RFWD3: variants seen among roughly 807,000 people sequenced by gnomAD.
The protein encoded by RFWD3 is E3 ubiquitin-protein ligase RFWD3.
A neutral mutation model predicts 87.7 loss-of-function variants in RFWD3; 65 were observed. That is an observed-to-expected ratio of 0.74 (90% confidence interval 0.61 to 0.91). The LOEUF is 0.91. Ranked by LOEUF, RFWD3 falls within the 40% of genes least tolerant of loss-of-function variation. RFWD3 has a pLI of 0.00. For missense variants in RFWD3, 1,078 were observed against 938.5 expected, an observed-to-expected ratio of 1.15 and a Z score of -1.94; for synonymous variants, 433 against 352.8, an observed-to-expected ratio of 1.23 and a Z score of -2.55.
chr16:74,661,278 C>G lies in RFWD3; in HGVS notation c.172G>C (p.Ala58Pro). 1 of 1,614,166 alleles carries G rather than the reference C, an allele frequency of 6.2e-7. No homozygotes were observed. ...GVPSILQPAP[A>P]EVISSQATPP... ...GTCGCTTGGCTGCTGATCACCTCAG[C>G]AGGAGCTGGCTGGAGGATGGATGGT... The change falls in exon 2 of 13, where the codon GCT becomes CCT. Residue 58 changes from alanine to proline, a missense_variant. Coordinates refer to ENST00000361070, the MANE Select transcript of RFWD3 (RefSeq NM_018124.4).
chr16:74,622,597 C>G lies in RFWD3; in HGVS notation c.*1331G>C, dbSNP rs1958801805. On this transcript the variant is annotated 3_prime_UTR_variant, in exon 13 of 13. Coordinates refer to ENST00000361070, the MANE Select transcript of RFWD3 (RefSeq NM_018124.4). ...GGAGAGAAAGATCCTAGAAACAGCT[C>G]TTGAATTGACAGGTCAGAAGTGTTT... 1 of 152,216 alleles carries G rather than the reference C, an allele frequency of 6.6e-6. No individual in the cohort carries two copies. The highest frequency in any genetic ancestry group is 1.5e-5 in the Non-Finnish European group (1 of 68,044). The allele number at this position is 152,216 out of a possible 1,614,324, so 9.4% of individuals were successfully genotyped here.
chr16:74,653,879 C>T (rs370931038), intron 2 of RFWD3, among the ~76,000 whole-genome samples: 7 of 152,280 alleles, frequency 4.6e-5, no homozygotes, highest in African/African-American at 1.7e-4. Flanking sequence ...CAGTGTCCAA[C>T]TCAATAGACA....
intron 11 of RFWD3, among the ~76,000 whole-genome samples, chr16:74,627,021 CA>C (rs1269564134): frequency 6.6e-6 from 1 of 152,136 alleles, no homozygotes; most frequent in Non-Finnish European, 1.5e-5. Context: ...GGGAGGCAAA[CA>C]AAAGCAAGAT....
chr16:74,633,252 G>A (rs1260986542), intron 8 of RFWD3, among the ~76,000 whole-genome samples: 14 of 148,298 alleles, frequency 9.4e-5, no homozygotes, highest in African/African-American at 3.3e-4. Context: ...ACTCCAGCGT[G>A]GGCAACCAGA....
intron 8 of RFWD3, 154 bp from the exon 9 acceptor site, chr16:74,632,827 ATTCAT>A (rs1959142470): frequency 1.5e-6 from 1 of 651,120 alleles, no homozygotes; most frequent in Non-Finnish European, 2.6e-6. Flanking sequence ...GTTACAATTT[ATTCAT>A]TTATTTTTGA....
At chr16:74,643,358 T>C (rs1188829485) in intron 6 of RFWD3, among the ~76,000 whole-genome samples, 2 of 152,208 alleles carry the variant, frequency 1.3e-5, no homozygotes, top group African/African-American at 4.8e-5. Flanking sequence ...CATTTCAACA[T>C]TGTATTCTGT....
intron 6 of RFWD3, among the ~76,000 whole-genome samples, chr16:74,639,400 T>C (rs950261551): frequency 1.3e-5 from 2 of 152,172 alleles, no homozygotes; most frequent in Admixed American, 6.5e-5. Context: ...TCCATTATAA[T>C]CTTATGGGGC....
chr16:74,625,544 A>G (rs1958908569), intron 12 of RFWD3, among the ~76,000 whole-genome samples: 1 of 151,820 alleles, frequency 6.6e-6, no homozygotes, highest in Admixed American at 6.6e-5. Context: ...ACCAGGCGCA[A>G]TGGCTCACGC....
intron 6 of RFWD3, among the ~76,000 whole-genome samples, chr16:74,643,584 A>G (rs1364075463): frequency 6.6e-6 from 1 of 151,616 alleles, no homozygotes; most frequent in Admixed American, 6.6e-5. Flanking sequence ...TAAAGTGTGA[A>G]CCCATGTCAC....
In RFWD3 at chr16:74,661,102, C is replaced by T. The variant is rs753405875; in HGVS notation, c.348G>A (p.Ser116=). The T allele has an allele frequency of 6.8e-6, 11 of 1,614,072 alleles. No homozygotes were observed. Among genetic ancestry groups the T allele is most frequent in the Admixed American group, 1.7e-5 (1 of 60,000 alleles). Residue 116 remains serine, a synonymous_variant, in exon 2 of 13, where the codon TCG becomes TCA. Transcript: ENST00000361070. ...TGATGAAGTTGGTCATTGAATGCAA[C>T]GAAGATGCTGGGATGGTGTGATTAC... ...SDGNHTIPAS[S]LHSMTNFISG...
At chr16:74,657,479 T>TTTC (rs71376297) in intron 2 of RFWD3, among the ~76,000 whole-genome samples, 1 of 14,054 alleles carries the variant, frequency 7.1e-5, no homozygotes, top group Non-Finnish European at 1.2e-4. Flanking sequence ...TTTCTTTTTC[T>TTTC]TTTTTTTTTT....
At chr16:74,631,388 C>T (rs1240404117) in intron 9 of RFWD3, among the ~76,000 whole-genome samples, 1 of 152,054 alleles carries the variant, frequency 6.6e-6, no homozygotes, top group African/African-American at 2.4e-5. Context: ...AGGAGAATCA[C>T]TTGAACCCTG....
In RFWD3 at chr16:74,636,707, C is replaced by T. The variant is rs532601671; in HGVS notation, c.1195-130G>A. The T allele has an allele frequency of 1.7e-4, 122 of 733,696 alleles. No individual in the cohort carries two copies. In the African/African-American group the frequency reaches 2.1e-3, roughly 12 times the overall value. The allele number at this position is 733,696 out of a possible 1,614,324, so 45.4% of individuals were successfully genotyped here. A position where few individuals can be genotyped will look rare whatever the true frequency, so the allele number is the denominator to read the frequency against. On this transcript the variant is annotated intron_variant, in intron 7 of 12. Transcript: ENST00000361070. Reference sequence around the variant, plus strand: ...AAGTGTTAACATGAATCCTAGAGAACTGCAGAGTTTTTGTTTTTTTTTTTA... The same window carrying T: ...AAGTGTTAACATGAATCCTAGAGAATTGCAGAGTTTTTGTTTTTTTTTTTA...
intron 2 of RFWD3, among the ~76,000 whole-genome samples, chr16:74,657,896 TA>T (rs1961123211): frequency 6.6e-6 from 1 of 152,180 alleles, no homozygotes; most frequent in African/African-American, 2.4e-5. Flanking sequence ...TAAGAAGATT[TA>T]ATCAAATACA....
chr16:74,662,274 T>G (rs966173559), intron 1 of RFWD3, among the ~76,000 whole-genome samples: 4 of 152,200 alleles, frequency 2.6e-5, no homozygotes, highest in Admixed American at 2.6e-4. Flanking sequence ...CACCTAGTTT[T>G]TAAAGTACAT....
rs377155984 is a variant in RFWD3 at position 74,632,498 on chromosome 16, C to G, written c.1577+25G>C. ...TACTCAACACCAAAGAGCCCAGTCT[C>G]CACCTACTTCCCCAAATCACTCACC... On this transcript the variant is annotated intron_variant, in intron 9 of 12. Transcript: ENST00000361070. 2.7e-5 allele frequency: 44 copies of G among 1,612,722 alleles called. No individual in the cohort carries two copies. The African/African-American group carries it at 5.6e-4, about 21-fold the overall frequency.
Position 74,643,741 on chromosome 16 carries a change from T to C in RFWD3, c.1079+621A>G, listed in dbSNP as rs184612319. ...CCCAGGCTGGAGTGCAGTGGTGCAA[T>C]TTCGGCTCACTGCAAGCTCTGCCTC... is the stretch of plus-strand genomic sequence containing the variant. On this transcript the variant is annotated intron_variant, in intron 6 of 12. Transcript: ENST00000361070. Among the ~76,000 whole-genome samples, 18 of 138,758 alleles carry C rather than the reference T, an allele frequency of 1.3e-4. No individual in the cohort carries two copies. In the Admixed American group the frequency reaches 1.3e-3, roughly 10 times the overall value. 91.0% of individuals were successfully genotyped at this position (138,758 alleles called of 152,430 possible).
intron 3 of RFWD3, among the ~76,000 whole-genome samples, chr16:74,651,580 G>A (rs551855980): frequency 4.6e-5 from 7 of 152,116 alleles, no homozygotes; most frequent in African/African-American, 9.7e-5. Context: ...GATTGTTGTC[G>A]CTGCACTCCA....
rs1173357766 is a variant in RFWD3, at chr16:74,660,953, G to C, written c.497C>G (p.Ser166Cys). The C allele has an allele frequency of 6.2e-7, 1 of 1,613,490 alleles. No individual in the cohort carries two copies. The highest frequency in any genetic ancestry group is 8.5e-7 in the Non-Finnish European group (1 of 1,179,586). ...TTACCTGGCACTGTCTGTCCTCTGA[G>C]ACCCTCCGGCTCTTGCCCTCCGTGA... ...SASRRARAGG[S>C]QRTDSARLRA... is the part of the protein sequence containing the mutation. The change falls in exon 2 of 13, where the codon TCT (serine) becomes TGT (cysteine). Residue 166 changes from serine to cysteine, a missense_variant. By Grantham distance (112) the Ser-to-Cys change is moderately radical. Transcript: ENST00000361070.
Sources: gnomAD v4.1 joint callset for allele counts (sites outside exome capture counted in the v4.1 genomes callset) on GRCh38, gnomAD v4.1.1 for gene constraint, MANE v1.5 for transcripts, NCBI Gene and HGNC (gene_info 2026-07-23, HGNC 2026-07-21) for gene names.